SSBP2: variants seen among roughly 807,000 people sequenced by gnomAD.
SSBP2 encodes single-stranded DNA-binding protein 2.
In SSBP2, 17 loss-of-function variants were observed where a neutral mutation model predicts 61.8. The observed-to-expected ratio is 0.28, with a 90% CI of 0.19 to 0.41. The LOEUF is 0.41. SSBP2 is among the 10% of genes least tolerant of loss of function. SSBP2 has a pLI of 1.00. For missense variants in SSBP2, 310 were observed against 458.7 expected, an observed-to-expected ratio of 0.68 and a Z score of 2.96; for synonymous variants, 139 against 141.3, an observed-to-expected ratio of 0.98 and a Z score of 0.12.
chr5:81,593,074 A>C (rs970768026), intron 4 of SSBP2, among the ~76,000 whole-genome samples: 1 of 152,192 alleles, frequency 6.6e-6, no homozygotes, highest in Non-Finnish European at 1.5e-5. Flanking sequence ...ACCAATGGCA[A>C]AGAAGTTAAA....
intron 4 of SSBP2, among the ~76,000 whole-genome samples, chr5:81,593,745 T>C (rs1743384926): frequency 1.3e-5 from 2 of 152,146 alleles, no homozygotes; most frequent in Admixed American, 1.3e-4. Flanking sequence ...CAAACTAAGC[T>C]TCACAAGTGA....
intron 1 of SSBP2, among the ~76,000 whole-genome samples, chr5:81,699,496 CTT>C (rs1753816459): frequency 6.6e-6 from 1 of 152,248 alleles, no homozygotes. Context: ...CAAGAAACCA[CTT>C]TCTTTGCTCA....
intron 1 of SSBP2, among the ~76,000 whole-genome samples, chr5:81,734,624 T>C (rs1756473322): frequency 6.6e-6 from 1 of 152,200 alleles, no homozygotes; most frequent in Non-Finnish European, 1.5e-5. Context: ...ATCAAAATCA[T>C]TACCTTTATT....
rs79724372 is a variant in SSBP2 at position 81,426,285 on chromosome 5, A to G, written c.1056+2300T>C. Among the ~76,000 whole-genome samples the G allele has an allele frequency of 4.7e-4, 72 of 152,362 alleles. 2 individuals are homozygous for G. The East Asian group carries it at 0.013, about 27-fold the overall frequency. On this transcript the variant is annotated intron_variant, in intron 16 of 16. Transcript: ENST00000320672. ...CACACATAACAATGATATCATTCAT[A>G]ACAAGTCCCTTCTTCTCAGGAGACA...
At chr5:81,579,915 A>G (rs1240360271) in intron 4 of SSBP2, among the ~76,000 whole-genome samples, 1 of 152,160 alleles carries the variant, frequency 6.6e-6, no homozygotes, top group African/African-American at 2.4e-5. Flanking sequence ...ATGTATTCAC[A>G]AAAAGTTACA....
At position 81,428,649 on chromosome 5, in the gene SSBP2, G is replaced by A. The variant is rs747165170; in HGVS notation, c.992C>T (p.Pro331Leu). The change falls in exon 16 of 17, where the codon CCG becomes CTG. Residue 331 changes from proline to leucine, a missense_variant. Coordinates refer to ENST00000320672, the MANE Select transcript of SSBP2 (RefSeq NM_012446.5). Reference sequence around the variant, plus strand: ...TTCGCCATCATCCCTTGGAGTGCCCGGTTGATTACTCAGGCTCATATTATT... The same window carrying A: ...TTCGCCATCATCCCTTGGAGTGCCCAGTTGATTACTCAGGCTCATATTATT... The A allele has an allele frequency of 1.7e-5, 28 of 1,613,084 alleles. No individual in the cohort carries two copies. Among genetic ancestry groups the A allele is most frequent in the Non-Finnish European group, 2.3e-5 (27 of 1,179,432 alleles).
chr5:81,686,990 C>T (rs527918204), intron 1 of SSBP2, among the ~76,000 whole-genome samples: 58 of 151,970 alleles, frequency 3.8e-4, no homozygotes, highest in African/African-American at 1.2e-3. Flanking sequence ...GCAAGAACAC[C>T]GAAGTGAATG....
intron 1 of SSBP2, among the ~76,000 whole-genome samples, chr5:81,708,979 A>G (rs534197088): frequency 3.2e-4 from 48 of 152,186 alleles, no homozygotes; most frequent in Non-Finnish European, 4.9e-4. Context: ...TAACTGATCT[A>G]TGTTGAATAT....
rs534685514 is a variant in SSBP2 at position 81,583,279 on chromosome 5, T to G, written c.282+32194A>C. 2.0e-5 allele frequency among the ~76,000 whole-genome samples: 3 copies of G among 152,080 alleles called. No homozygotes were observed. The South Asian group carries it at 6.2e-4, about 32-fold the overall frequency. ...GTATAGGAACTATTCTGAAAACTAATTACATCAAATAAAAAATAGGTTCCA... is the reference window on the plus strand; with the variant it reads ...GTATAGGAACTATTCTGAAAACTAAGTACATCAAATAAAAAATAGGTTCCA... On this transcript the variant is annotated intron_variant, in intron 4 of 16. Coordinates refer to ENST00000320672, the MANE Select transcript of SSBP2 (RefSeq NM_012446.5).
At chr5:81,709,919 A>C (rs1358441732) in intron 1 of SSBP2, among the ~76,000 whole-genome samples, 1 of 152,050 alleles carries the variant, frequency 6.6e-6, no homozygotes, top group Non-Finnish European at 1.5e-5. Context: ...TTAAATTTAA[A>C]AAATTAGAAG....
chr5:81,451,583 C>T lies in SSBP2; in HGVS notation c.688-2758G>A, dbSNP rs774260576. 1.5e-3 allele frequency among the ~76,000 whole-genome samples: 233 copies of T among 152,180 alleles called. 6 individuals are homozygous for T. The highest frequency in any genetic ancestry group is 3.1e-3 in the Admixed American group (48 of 15,302). ...TTGGGATTACAGGTGCCTGCTATCA[C>T]GCCCGGCTAATTTTTGTATTTTCAG... On this transcript the variant is annotated intron_variant, in intron 10 of 16. Coordinates refer to ENST00000320672, the MANE Select transcript of SSBP2 (RefSeq NM_012446.5).
intron 14 of SSBP2, among the ~76,000 whole-genome samples, chr5:81,439,667 GTTT>G (rs61650905): frequency 1.9e-4 from 19 of 100,156 alleles, no homozygotes; most frequent in African/African-American, 8.7e-4. Context: ...TGCCCAGCTA[GTTT>G]TTTTTTTTTT....
At chr5:81,731,208 T>C (rs1756241012) in intron 1 of SSBP2, among the ~76,000 whole-genome samples, 1 of 152,240 alleles carries the variant, frequency 6.6e-6, no homozygotes, top group South Asian at 2.1e-4. Flanking sequence ...AAGATGAGAA[T>C]GATGTCATTA....
Position 81,413,221 on chromosome 5 carries a change from G to C in SSBP2, c.*7283C>G, listed in dbSNP as rs1761200662. 2.6e-5 allele frequency: 4 copies of C among 152,200 alleles called. No individual in the cohort carries two copies. The highest frequency in any genetic ancestry group is 9.6e-5 in the African/African-American group (4 of 41,456). 9.4% of individuals were successfully genotyped at this position (152,200 alleles called of 1,614,324 possible). On this transcript the variant is annotated 3_prime_UTR_variant, in exon 17 of 17. Transcript: ENST00000320672. ...GGCAACTTATCCCATTACATGAATA[G>C]CTCAAGTACTTGTACAAAAACACTA...
At chr5:81,648,882 A>G (rs1232816505) in intron 2 of SSBP2, among the ~76,000 whole-genome samples, 1 of 152,048 alleles carries the variant, frequency 6.6e-6, no homozygotes, top group African/African-American at 2.4e-5. Flanking sequence ...TACCTAATAT[A>G]GGCAAAATAT....
At position 81,420,444 on chromosome 5, in the gene SSBP2, C is replaced by T. The variant is rs189882435; in HGVS notation, c.*60G>A. On this transcript the variant is annotated 3_prime_UTR_variant, in exon 17 of 17. Coordinates refer to ENST00000320672, the MANE Select transcript of SSBP2 (RefSeq NM_012446.5). Reference sequence around the variant, plus strand: ...TACACTGTGATGAATAATTTTCTTCCGTAGTAGTTCTGTGAAGGGCTGACT... The same window carrying T: ...TACACTGTGATGAATAATTTTCTTCTGTAGTAGTTCTGTGAAGGGCTGACT... The T allele has an allele frequency of 2.7e-5, 41 of 1,506,792 alleles. No individual in the cohort carries two copies. The highest frequency in any genetic ancestry group is 1.1e-4 in the African/African-American group (8 of 72,750). 93.3% of individuals were successfully genotyped at this position (1,506,792 alleles called of 1,614,324 possible).
intron 6 of SSBP2, among the ~76,000 whole-genome samples, chr5:81,479,334 A>T (rs532665785): frequency 6.6e-6 from 1 of 152,122 alleles, no homozygotes; most frequent in South Asian, 2.1e-4. Context: ...TCTGTCACCC[A>T]GGCTGGAGTG....
At chr5:81,595,327 T>G (rs911615569) in intron 4 of SSBP2, among the ~76,000 whole-genome samples, 1 of 151,992 alleles carries the variant, frequency 6.6e-6, no homozygotes, top group African/African-American at 2.4e-5. Context: ...AATAACAGGC[T>G]CTGAAATTGA....
intron 4 of SSBP2, among the ~76,000 whole-genome samples, chr5:81,522,459 T>G (rs2154095148): frequency 6.6e-6 from 1 of 152,146 alleles, no homozygotes. Flanking sequence ...AAATGATTGT[T>G]TACTCACACA....
Sources: allele counts gnomAD v4.1 joint callset (sites outside exome capture counted in the v4.1 genomes callset), GRCh38; gene constraint gnomAD v4.1.1; transcripts MANE v1.5; gene names NCBI Gene and HGNC (gene_info 2026-07-23, HGNC 2026-07-21).